Variants in CGGBP1 observed in about 807,000 individuals in gnomAD.
CGGBP1 encodes CGG triplet repeat binding protein 1.
Under a neutral mutation model 11.4 loss-of-function variants are expected in CGGBP1, and 4 were observed. That is an observed-to-expected ratio of 0.35 (90% CI 0.17 to 0.80). The LOEUF (loss-of-function observed/expected upper bound fraction) is 0.80, where lower values mean the gene tolerates loss of function less well. Among genes scored for constraint, CGGBP1 ranks in the 30% least tolerant of loss-of-function variants. The probability of loss-of-function intolerance (pLI) is 0.52; values close to 1 mark genes in which losing one functional copy is unlikely to be tolerated. For synonymous variants in CGGBP1, 76 were observed against 74.1 expected, an observed-to-expected ratio of 1.03 and a Z score of -0.13; for missense variants, 135 against 202.1, an observed-to-expected ratio of 0.67 and a Z score of 2.01.
chr3:88,071,153 A>G (rs1327401448), intron 2 of CGGBP1, among the ~76,000 whole-genome samples: 1 of 152,206 alleles, frequency 6.6e-6, no homozygotes, highest in Admixed American at 6.5e-5. Context: ...AAACTATATT[A>G]TGCAGTTCCC....
At chr3:88,149,670 A>C in intron 1 of CGGBP1, 5 of 155,648 alleles carry the variant, frequency 3.2e-5, no homozygotes, top group Non-Finnish European at 5.7e-5. Context: ...GCATCACGGG[A>C]GCTCGCGGTG....
rs1265150332 is a variant in CGGBP1, at chr3:88,052,447, G to A, written c.*3026C>T. 6 of 152,576 alleles carry A rather than the reference G, an allele frequency of 3.9e-5. No homozygotes were observed. The highest frequency in any genetic ancestry group is 3.9e-4 in the Admixed American group (6 of 15,276). The allele number at this position is 152,576 out of a possible 1,614,324, so 9.5% of individuals were successfully genotyped here. ...CCCTTACAAAGACTAAGCACCAAAT[G>A]ATGAACTGTTTGTGGCTTTTGTTTT... On this transcript the variant is annotated 3_prime_UTR_variant, in exon 4 of 4. Coordinates refer to ENST00000482016, the MANE Select transcript of CGGBP1 (RefSeq NM_001008390.2).
chr3:88,139,219 G>T, intron 2 of CGGBP1: 1 of 1,474,500 alleles, frequency 6.8e-7, no homozygotes, highest in Non-Finnish European at 9.0e-7. Context: ...GATGTATCTG[G>T]AGTGCAGCCT....
intron 2 of CGGBP1, among the ~76,000 whole-genome samples, chr3:88,082,079 C>T (rs373970643): frequency 2.0e-4 from 30 of 151,964 alleles, no homozygotes; most frequent in African/African-American, 6.3e-4. Flanking sequence ...CATTCTTTGA[C>T]GCCCCTAAAA....
At chr3:88,063,419 G>C (rs1002458158), upstream of CGGBP1, among the ~76,000 whole-genome samples, 4 of 152,162 alleles carry the variant, frequency 2.6e-5, no homozygotes, top group African/African-American at 9.7e-5. Flanking sequence ...TCACAGAAAA[G>C]AGAGTTTGTC....
rs1483137337 is a variant in CGGBP1, at chr3:88,052,095, C to T, written c.*3378G>A. 2.6e-5 allele frequency: 4 copies of T among 152,194 alleles called. No individual in the cohort carries two copies. The highest frequency in any genetic ancestry group is 4.8e-5 in the African/African-American group (2 of 41,296). 9.4% of individuals were successfully genotyped at this position (152,194 alleles called of 1,614,324 possible). A position where few individuals can be genotyped will look rare whatever the true frequency, so the allele number is the denominator to read the frequency against. On this transcript the variant is annotated 3_prime_UTR_variant, in exon 4 of 4. Transcript: ENST00000482016. The stretch of plus-strand genomic sequence containing the variant: ...GACACATTTATACTAAGCATACATG[C>T]GTGAGCAAAAAAAATAAGCACAGAA...
chr3:88,144,258 TTAAA>T (rs987991843), intron 1 of CGGBP1: 4 of 152,354 alleles, frequency 2.6e-5, no homozygotes, highest in African/African-American at 9.7e-5. Context: ...TATATAATAC[TTAAA>T]TAATTTATAT....
At chr3:88,097,376 A>T (rs1426838845) in intron 2 of CGGBP1, among the ~76,000 whole-genome samples, 11 of 149,224 alleles carry the variant, frequency 7.4e-5, no homozygotes, top group South Asian at 2.1e-4. Flanking sequence ...TTTTTTTTTT[A>T]AATAATGGGA....
intron 2 of CGGBP1, among the ~76,000 whole-genome samples, chr3:88,132,027 C>T (rs530297277): frequency 6.6e-6 from 1 of 152,146 alleles, no homozygotes; most frequent in South Asian, 2.1e-4. Context: ...ATAATAGCTG[C>T]AAATGTTTGC....
chr3:88,087,940 G>T, intron 2 of CGGBP1, among the ~76,000 whole-genome samples: 1 of 152,084 alleles, frequency 6.6e-6, no homozygotes, highest in East Asian at 1.9e-4. Flanking sequence ...GATACTCAAA[G>T]GAAACGCTCA....
chr3:88,071,312 C>A (rs921698870), intron 2 of CGGBP1, among the ~76,000 whole-genome samples: 2 of 151,768 alleles, frequency 1.3e-5, no homozygotes, highest in African/African-American at 4.8e-5. Flanking sequence ...GAGTTTGAGA[C>A]CAGCCTGGCC....
intron 2 of CGGBP1, chr3:88,095,791 G>A: frequency 2.3e-6 from 1 of 433,456 alleles, no homozygotes. Flanking sequence ...TAAGAAATGA[G>A]CTAAAGGCAA....
At chr3:88,110,923 T>C (rs1169111090) in intron 2 of CGGBP1, among the ~76,000 whole-genome samples, 2 of 152,138 alleles carry the variant, frequency 1.3e-5, no homozygotes, top group African/African-American at 4.8e-5. Context: ...TTTTCTCTTT[T>C]TAATATCATT....
intron 2 of CGGBP1, chr3:88,129,765 T>G: frequency 6.5e-7 from 1 of 1,528,870 alleles, no homozygotes; most frequent in Non-Finnish European, 8.8e-7. Flanking sequence ...TATGTTAGCC[T>G]TGCAACTCTG....
At chr3:88,109,186 G>A (rs1198358377) in intron 2 of CGGBP1, among the ~76,000 whole-genome samples, 1 of 103,502 alleles carries the variant, frequency 9.7e-6, no homozygotes, top group African/African-American at 3.1e-5. Flanking sequence ...TGTGTATGAA[G>A]AAAACCGTTA....
In CGGBP1 at chr3:88,141,926, C is replaced by T. The variant is rs73844891; in HGVS notation, c.-337-848G>A. Reference sequence around the variant, plus strand: ...TTAATAGCAGCAGCATGTTCAGTTTCGCTTATATGAGAAACATGTTTAGGC... The same window carrying T: ...TTAATAGCAGCAGCATGTTCAGTTTTGCTTATATGAGAAACATGTTTAGGC... On this transcript the variant is annotated intron_variant, in intron 1 of 3. Transcript: ENST00000462901. 1.8e-3 allele frequency: 524 copies of T among 298,430 alleles called. 2 individuals are homozygous for T. The highest frequency in any genetic ancestry group is 0.01 in the African/African-American group (476 of 46,370). The allele number at this position is 298,430 out of a possible 1,614,324, so 18.5% of individuals were successfully genotyped here. A position where few individuals can be genotyped will look rare whatever the true frequency, so the allele number is the denominator to read the frequency against.
chr3:88,093,850 T>C (rs537846442), intron 2 of CGGBP1, among the ~76,000 whole-genome samples: 1 of 152,316 alleles, frequency 6.6e-6, no homozygotes, highest in Admixed American at 6.5e-5. Context: ...AAGGTACATT[T>C]GTTTTTTGCG....
At chr3:88,118,009 AGTT>A (rs929850924) in intron 2 of CGGBP1, among the ~76,000 whole-genome samples, 7 of 151,230 alleles carry the variant, frequency 4.6e-5, no homozygotes, top group African/African-American at 1.5e-4. Flanking sequence ...TAGATGTTTT[AGTT>A]GTTGTTGTTG....
intron 2 of CGGBP1, among the ~76,000 whole-genome samples, chr3:88,123,602 T>A (rs1705912214): frequency 6.6e-6 from 1 of 152,148 alleles, no homozygotes; most frequent in Non-Finnish European, 1.5e-5. Flanking sequence ...ATCTGTTTTT[T>A]AAAAAGAGCT....
Sources: allele counts gnomAD v4.1 joint callset (sites outside exome capture counted in the v4.1 genomes callset), GRCh38; gene constraint gnomAD v4.1.1; transcripts MANE v1.5; gene names NCBI Gene and HGNC (gene_info 2026-07-23, HGNC 2026-07-21).